PTPRA: variants seen among roughly 807,000 people sequenced by gnomAD.
PTPRA encodes the protein receptor-type tyrosine-protein phosphatase alpha.
A neutral mutation model predicts 104.8 loss-of-function variants in PTPRA; 25 were observed. That is an observed-to-expected ratio of 0.24 (90% CI 0.17 to 0.33). The LOEUF is 0.33. Ranked by LOEUF, PTPRA falls within the 10% of genes least tolerant of loss-of-function variation. The pLI is 1.00. For synonymous variants in PTPRA, 323 were observed against 368.9 expected, an observed-to-expected ratio of 0.88 and a Z score of 1.43; for missense variants, 765 against 1,015.3, an observed-to-expected ratio of 0.75 and a Z score of 3.35.
At chr20:2,968,031 C>A (rs2062009451) in intron 5 of PTPRA, among the ~76,000 whole-genome samples, 1 of 152,186 alleles carries the variant, frequency 6.6e-6, no homozygotes, top group Admixed American at 6.5e-5. Flanking sequence ...AGGGCTACTA[C>A]ACAGATACAT....
intron 2 of PTPRA, among the ~76,000 whole-genome samples, chr20:2,928,905 C>T (rs775277560): frequency 2.0e-5 from 3 of 150,970 alleles, no homozygotes; most frequent in Non-Finnish European, 1.5e-5. Flanking sequence ...TCACAGCTCA[C>T]TGCAGCCTCG....
chr20:2,866,453 T>G, the PTPRA span: 5 of 1,614,044 alleles, frequency 3.1e-6, no homozygotes, highest in Non-Finnish European at 2.5e-6. Context: ...GCTGCAGATG[T>G]GGCCATCGAA....
At chr20:2,922,158 G>A (rs902786388) in intron 1 of PTPRA, among the ~76,000 whole-genome samples, 5 of 152,110 alleles carry the variant, frequency 3.3e-5, no homozygotes, top group African/African-American at 9.7e-5. Flanking sequence ...GGGACAGGGA[G>A]GAGTGTTCTA....
At chr20:2,919,927 T>C (rs2060042498) in intron 1 of PTPRA, among the ~76,000 whole-genome samples, 1 of 152,232 alleles carries the variant, frequency 6.6e-6, no homozygotes, top group Non-Finnish European at 1.5e-5. Flanking sequence ...GTGGAAATTA[T>C]ATAAAATTAA....
At chr20:3,000,760 A>G (rs2063590522) in intron 9 of PTPRA, among the ~76,000 whole-genome samples, 1 of 152,170 alleles carries the variant, frequency 6.6e-6, no homozygotes, top group South Asian at 2.1e-4. Flanking sequence ...GAAAAAAGCA[A>G]CTCACCACTT....
intron 3 of PTPRA, among the ~76,000 whole-genome samples, chr20:2,963,524 G>A (rs528192970): frequency 1.6e-4 from 25 of 152,056 alleles, no homozygotes; most frequent in Non-Finnish European, 2.5e-4. Flanking sequence ...AACCCGGGAG[G>A]CGGAGGTTGC....
chr20:2,953,981 C>T (rs1158880160), intron 3 of PTPRA, among the ~76,000 whole-genome samples: 1 of 150,532 alleles, frequency 6.6e-6, no homozygotes, highest in East Asian at 1.9e-4. Flanking sequence ...CCATTCGTAT[C>T]TCACTGTAAC....
intron 2 of PTPRA, among the ~76,000 whole-genome samples, chr20:2,933,510 G>A (rs1282344541): frequency 2.0e-5 from 3 of 151,912 alleles, no homozygotes; most frequent in African/African-American, 7.2e-5. Flanking sequence ...ACCCAGGCTG[G>A]AATGCAGTGG....
chr20:2,939,961 T>A (rs1444012347), intron 2 of PTPRA, among the ~76,000 whole-genome samples: 1 of 152,058 alleles, frequency 6.6e-6, no homozygotes, highest in African/African-American at 2.4e-5. Flanking sequence ...ACAAAAAAAA[T>A]TAGCCGGGCA....
At chr20:2,881,301 ACT>A (rs1163247638) in intron 1 of PTPRA, among the ~76,000 whole-genome samples, 1 of 151,154 alleles carries the variant, frequency 6.6e-6, no homozygotes. Context: ...ACAGAGCAAG[ACT>A]CTGTCTCCAA....
chr20:3,030,212 G>GT (rs1216915716), intron 20 of PTPRA, among the ~76,000 whole-genome samples: 1 of 152,212 alleles, frequency 6.6e-6, no homozygotes, highest in Non-Finnish European at 1.5e-5. Flanking sequence ...AAAGGACCTA[G>GT]TGAGAGTAAA....
intron 2 of PTPRA, among the ~76,000 whole-genome samples, chr20:2,933,618 G>A (rs544153325): frequency 2.2e-4 from 33 of 151,930 alleles, no homozygotes; most frequent in African/African-American, 8.0e-4. Context: ...ACGCCACCAC[G>A]CCCAGCTAAT....
At chr20:2,869,759 A>G (rs1355077330), upstream of PTPRA, among the ~76,000 whole-genome samples, 1 of 152,114 alleles carries the variant, frequency 6.6e-6, no homozygotes, top group African/African-American at 2.4e-5. Context: ...TGGGGTCAGG[A>G]GTTTGAGACC....
At position 2,876,980 on chromosome 20, in the gene PTPRA, G is replaced by T. The variant is rs148253548; in HGVS notation, c.-129+3220G>T. Among the ~76,000 whole-genome samples, 13 of 152,298 alleles carry T rather than the reference G, an allele frequency of 8.5e-5. No homozygotes were observed. In the East Asian group the frequency reaches 2.5e-3, roughly 29 times the overall value. On this transcript the variant is annotated intron_variant, in intron 1 of 23. Coordinates refer to ENST00000399903, the MANE Select transcript of PTPRA (RefSeq NM_001385305.1). ...GCTCAGAAGGATAAAAGTAACTTGT[G>T]CAGGATGATCAGTGCGGGTGGTGGT...
intron 1 of PTPRA, among the ~76,000 whole-genome samples, chr20:2,890,061 G>A (rs907778914): frequency 9.7e-6 from 1 of 102,972 alleles, no homozygotes; most frequent in South Asian, 4.1e-4. Flanking sequence ...CTAATTTTTT[G>A]ATTTTTTTTT....
chr20:3,019,479 C>A (rs573608959), intron 13 of PTPRA, among the ~76,000 whole-genome samples: 4 of 148,882 alleles, frequency 2.7e-5, no homozygotes, highest in African/African-American at 1.0e-4. Flanking sequence ...CCGGACGGGG[C>A]GGCAGGGCAG....
chr20:2,910,846 C>G (rs1183625520), intron 1 of PTPRA, among the ~76,000 whole-genome samples: 2 of 151,082 alleles, frequency 1.3e-5, no homozygotes, highest in Admixed American at 6.6e-5. Flanking sequence ...ACCTCATGAT[C>G]CACCTGCCTT....
chr20:2,993,577 C>A (rs1304732375), intron 9 of PTPRA, among the ~76,000 whole-genome samples: 1 of 152,188 alleles, frequency 6.6e-6, no homozygotes, highest in African/African-American at 2.4e-5. Flanking sequence ...CACACTTACC[C>A]CTAGCAGTAG....
chr20:2,873,465 T>TGAACACGCGC (rs1568634187), upstream of PTPRA: 1 of 152,100 alleles, frequency 6.6e-6, no homozygotes, highest in Non-Finnish European at 1.5e-5. The surrounding 1 kb of genome is among the most constrained non-coding windows in gnomAD (Gnocchi z 4.4). Context: ...TGAACACGCG[T>TGAACACGCGC]CTTACAGCCA....
Sources: allele counts gnomAD v4.1 joint callset (sites outside exome capture counted in the v4.1 genomes callset), GRCh38; gene constraint gnomAD v4.1.1; non-coding constraint Gnocchi (gnomAD v3.1); transcripts MANE v1.5; gene names NCBI Gene and HGNC (gene_info 2026-07-23, HGNC 2026-07-21).